Variants in F8 observed in about 807,000 individuals in gnomAD.
F8 encodes the protein antihemophilic factor.
In F8, 12 loss-of-function variants were observed where a neutral mutation model predicts 140.6. That is an observed-to-expected ratio of 0.09 (90% CI 0.05 to 0.14). F8 has a LOEUF of 0.14. Among genes scored for constraint, F8 ranks in the 10% least tolerant of loss-of-function variants. The probability of loss-of-function intolerance (pLI) is 1.00; values close to 1 mark genes in which losing one functional copy is unlikely to be tolerated. For missense variants in F8, 1,354 were observed against 1,720.7 expected, an observed-to-expected ratio of 0.79 and a Z score of 3.77; for synonymous variants, 585 against 614.6, an observed-to-expected ratio of 0.95 and a Z score of 0.71.
At chrX:154,916,801 GATT>G (rs1327633581) in intron 14 of F8, among the ~76,000 whole-genome samples, 11 of 109,455 alleles carry the variant, frequency 1.0e-4, no homozygotes, top group Middle Eastern at 4.7e-3. Flanking sequence ...TTATTTCTAT[GATT>G]ATTATTATTA....
chrX:154,915,283 G>A (rs1268086296), intron 14 of F8, among the ~76,000 whole-genome samples: 1 of 111,889 alleles, frequency 8.9e-6, no homozygotes, highest in Non-Finnish European at 1.9e-5. Context: ...ATGAGATTTG[G>A]GTGGGGACAC....
intron 14 of F8, among the ~76,000 whole-genome samples, chrX:154,927,027 G>C (rs1203387265): frequency 9.0e-6 from 1 of 111,515 alleles, no homozygotes; most frequent in Non-Finnish European, 1.9e-5. Flanking sequence ...GAAAAGTGAA[G>C]AAAAGTGGTG....
At chrX:154,978,498 T>G (rs1190350537) in intron 6 of F8, among the ~76,000 whole-genome samples, 2 of 112,230 alleles carry the variant, frequency 1.8e-5, no homozygotes, top group African/African-American at 6.5e-5. Flanking sequence ...CTCTTTATTT[T>G]AGAATGTACA....
intron 25 of F8, among the ~76,000 whole-genome samples, chrX:154,838,940 C>G (rs1233060359): frequency 1.3e-5 from 1 of 78,657 alleles, no homozygotes; most frequent in South Asian, 1.1e-3. Flanking sequence ...CACCCCCCCA[C>G]CCCCCCAAGA....
At chrX:154,924,937 T>G (rs2124040991) in intron 14 of F8, among the ~76,000 whole-genome samples, 1 of 112,198 alleles carries the variant, frequency 8.9e-6, no homozygotes, top group Non-Finnish European at 1.9e-5. Flanking sequence ...ATGGGGATCC[T>G]GGGCCCAGCC....
rs1158805980 is a variant in F8, at chrX:154,836,885, T to C, written c.*712A>G. ...CTCGTCAGAAAAATGCACATTTGCA[T>C]TTATACAGAATGCCTTATATAATTT... On this transcript the variant is annotated 3_prime_UTR_variant, in exon 26 of 26. Coordinates refer to ENST00000360256, the MANE Select transcript of F8 (RefSeq NM_000132.4). 8.9e-6 allele frequency: 1 copy of C among 112,481 alleles called. No homozygotes were observed. The highest frequency in any genetic ancestry group is 2.8e-4 in the East Asian group (1 of 3,595). The allele number at this position is 112,481 out of a possible 1,213,427, so 9.3% of individuals were successfully genotyped here. A position where few individuals can be genotyped will look rare whatever the true frequency, so the allele number is the denominator to read the frequency against.
chrX:154,958,867 C>T (rs1312892229), intron 10 of F8, among the ~76,000 whole-genome samples: 2 of 111,265 alleles, frequency 1.8e-5, no homozygotes, highest in Non-Finnish European at 1.9e-5. Context: ...CTGCCCGCCT[C>T]GGCCTCCCAA....
rs2073766476 is a variant in F8, at chrX:155,022,706, A to G, written c.-154T>C. 8 of 1,126,821 alleles carry G rather than the reference A, an allele frequency of 7.1e-6. No homozygotes were observed. Among genetic ancestry groups the G allele is most frequent in the Non-Finnish European group, 8.2e-6 (7 of 858,029 alleles). The allele number at this position is 1,126,821 out of a possible 1,213,427, so 92.9% of individuals were successfully genotyped here. A position where few individuals can be genotyped will look rare whatever the true frequency, so the allele number is the denominator to read the frequency against. On this transcript the variant is annotated 5_prime_UTR_variant, in exon 1 of 26. Coordinates refer to ENST00000360256, the MANE Select transcript of F8 (RefSeq NM_000132.4). Reference sequence around the variant, plus strand: ...CATTTTAAGGAACTTTACCCACTGGATGTGCTCAGCACTAAGCAGTAACCG... The same window carrying G: ...CATTTTAAGGAACTTTACCCACTGGGTGTGCTCAGCACTAAGCAGTAACCG...
At chrX:154,969,227 G>A in intron 7 of F8, 104 bp downstream of exon 7, 4 of 754,507 alleles carry the variant, frequency 5.3e-6, no homozygotes, top group Non-Finnish European at 7.8e-6. Flanking sequence ...ACTCTATAAT[G>A]TCCCCTTCAG....
chrX:154,929,411 T>C lies in F8; in HGVS notation c.4379A>G (p.Asn1460Ser), dbSNP rs2073179017. The C allele has an allele frequency of 3.3e-6, 4 of 1,200,140 alleles. No individual in the cohort carries two copies. The highest frequency in any genetic ancestry group is 4.5e-6 in the Non-Finnish European group (4 of 886,761). The change falls in exon 14 of 26, where the codon AAT becomes AGT. Residue 1460 changes from asparagine to serine, a missense_variant. Around this residue, in one of 4 missense-constraint regions of F8, gnomAD observed 658 missense variants for 666.5 expected, o/e 0.99. Coordinates refer to ENST00000360256, the MANE Select transcript of F8 (RefSeq NM_000132.4). ...SSHFLQGAKK[N>S]NLSLAILTLE... ...GGTTAGAATGGCTAAAGAAAGGTTA[T>C]TTTTTTTGGCTCCTTGTAAGAAATG...
intron 18 of F8, among the ~76,000 whole-genome samples, chrX:154,902,400 C>A (rs1354066313): frequency 9.0e-6 from 1 of 111,349 alleles, no homozygotes; most frequent in Non-Finnish European, 1.9e-5. Context: ...TGACTGAATT[C>A]TTTGATGGTT....
In F8 at chrX:154,969,478, T is replaced by C. The variant is rs1557282367; in HGVS notation, c.862A>G (p.Ile288Val). 1.5e-5 allele frequency: 18 copies of C among 1,211,348 alleles called. No homozygotes were observed. The highest frequency in any genetic ancestry group is 1.9e-5 in the Non-Finnish European group (17 of 895,299). Residue 288 changes from isoleucine to valine, a missense_variant, in exon 7 of 26, where the codon ATA (isoleucine) becomes GTA (valine). Physicochemically the swap from Ile to Val is conservative, Grantham distance 29. Around this residue, in one of 4 missense-constraint regions of F8, gnomAD observed 128 missense variants for 230.4 expected, o/e 0.56. Coordinates refer to ENST00000360256, the MANE Select transcript of F8 (RefSeq NM_000132.4). ...AGAAATGTGTGACCTTCGAGGAATA[T>C]TGAGTGCACTTCAGGAGTGGTGCCC... Reference protein sequence around the residue: ...GMGTTPEVHSIFLEGHTFLVR... With the variant: ...GMGTTPEVHSVFLEGHTFLVR...
At chrX:154,895,171 C>T (rs1261662161) in intron 22 of F8, among the ~76,000 whole-genome samples, 1 of 112,065 alleles carries the variant, frequency 8.9e-6, no homozygotes, top group African/African-American at 3.2e-5. Context: ...TTTGCCAGTG[C>T]TCCCTGTTGG....
chrX:154,866,435 T>C (rs1386750339), intron 22 of F8, among the ~76,000 whole-genome samples: 1 of 111,954 alleles, frequency 8.9e-6, no homozygotes, highest in Non-Finnish European at 1.9e-5. Context: ...AACAGTAGAA[T>C]TATCAAGCAC....
chrX:154,930,198 A>G lies in F8; in HGVS notation c.3592T>C (p.Leu1198=). The part of the protein sequence containing the change: ...PSSRNLFLTN[L]DNLHENNTHN... ...GTATTATTTTCATGTAAATTATCCA[A>G]GTTAGTAAGAAATAGGTTTCTGCTG... is the stretch of plus-strand genomic sequence containing the variant. Residue 1198 remains leucine (L), a synonymous_variant, in exon 14 of 26, where the codon TTG becomes CTG. Coordinates refer to ENST00000360256, the MANE Select transcript of F8 (RefSeq NM_000132.4). The G allele has an allele frequency of 1.7e-6, 2 of 1,208,467 alleles. No individual in the cohort carries two copies. The highest frequency in any genetic ancestry group is 5.9e-5 in the East Asian group (2 of 33,830).
rs1557283666 is a variant in F8 at position 154,982,040 on chromosome X, TGGGC to T, written c.787+2643_787+2646del. Among the ~76,000 whole-genome samples the T allele has an allele frequency of 3.7e-5, 4 of 107,548 alleles. No homozygotes were observed. In the East Asian group the frequency reaches 1.2e-3, roughly 31 times the overall value. 93.4% of individuals were successfully genotyped at this position (107,548 alleles called of 115,157 possible). A position where few individuals can be genotyped will look rare whatever the true frequency, so the allele number is the denominator to read the frequency against. On this transcript the variant is annotated intron_variant, in intron 6 of 25. Coordinates refer to ENST00000360256, the MANE Select transcript of F8 (RefSeq NM_000132.4). The stretch of plus-strand genomic sequence containing the variant: ...CTCTACTAAAACTACAAAAATTAGG[TGGGC>T]GTGGTGGCACATGCCTGTAATCCCA...
At position 154,969,370 on chromosome X, in the gene F8, G is replaced by C. The variant is rs782607735; in HGVS notation, c.970C>G (p.Gln324Glu). 11 of 1,209,786 alleles carry C rather than the reference G, an allele frequency of 9.1e-6. No homozygotes were observed. In the African/African-American group the frequency reaches 1.9e-4, roughly 21 times the overall value. Residue 324 changes from glutamine (Q) to glutamate (E), a missense_variant, in exon 7 of 26, where the codon CAG becomes GAG. Gln to Glu is a conservative substitution (Grantham distance 29). This residue lies in a region of F8 where 252 missense variants were observed against 338.5 expected (regional missense o/e 0.74). Transcript: ENST00000360256. ...TAQTLLMDLG[Q>E]FLLFCHISSH... ...GAGATATGACAAAACAGTAGAAACTGTCCAAGGTCCATCAAGAGTGTTTGA... is the reference window on the plus strand; with the variant it reads ...GAGATATGACAAAACAGTAGAAACTCTCCAAGGTCCATCAAGAGTGTTTGA...
chrX:154,969,130 T>G (rs1480906508), intron 7 of F8, among the ~76,000 whole-genome samples: 9 of 111,324 alleles, frequency 8.1e-5, no homozygotes, highest in Non-Finnish European at 1.7e-4. Context: ...TGAGTCCTAC[T>G]AATACTCAAG....
At chrX:154,918,418 C>T (rs1324874825) in intron 14 of F8, among the ~76,000 whole-genome samples, 1 of 111,078 alleles carries the variant, frequency 9.0e-6, no homozygotes, top group African/African-American at 3.3e-5. Context: ...TAGAGGCAAT[C>T]AGGCTGCTTC....
Sources: allele counts gnomAD v4.1 joint callset (sites outside exome capture counted in the v4.1 genomes callset), GRCh38; gene constraint gnomAD v4.1.1; regional missense constraint gnomAD v4.1.1; transcripts MANE v1.5; gene names NCBI Gene and HGNC (gene_info 2026-07-23, HGNC 2026-07-21).